SLC67A1: variants seen among roughly 807,000 people sequenced by gnomAD.
The protein encoded by SLC67A1 is solute carrier family 67 member 1, also known as solute carrier family 67 member A1.
chr11:2,917,478 T>C, the SLC67A1 span, among the ~76,000 whole-genome samples: 2 of 152,082 alleles, frequency 1.3e-5, no homozygotes, highest in Admixed American at 6.5e-5. Flanking sequence ...AAGGACTCGG[T>C]GAGCCGGGCT....
the SLC67A1 span, among the ~76,000 whole-genome samples, chr11:2,918,718 T>G: frequency 0.055 from 19 of 344 alleles, no homozygotes; most frequent in Non-Finnish European, 0.25. Context: ...TTGAGGGCCC[T>G]TTTTTTTTTG....
At chr11:2,914,540 C>T in the SLC67A1 span, 26 of 174,854 alleles carry the variant, frequency 1.5e-4, no homozygotes, top group South Asian at 4.7e-3. Flanking sequence ...CCACCCACGG[C>T]CCCTGGCACA....
chr11:2,903,413 C>T, the SLC67A1 span: 2 of 1,613,176 alleles, frequency 1.2e-6, no homozygotes, highest in South Asian at 1.1e-5. Context: ...CTAGGCCGGT[C>T]CTCGGTCATC....
At chr11:2,913,300 G>A in the SLC67A1 span, among the ~76,000 whole-genome samples, 11 of 152,296 alleles carry the variant, frequency 7.2e-5, no homozygotes, top group Admixed American at 2.0e-4. Flanking sequence ...AGCAGGCCCC[G>A]CTGAGATGGT....
the SLC67A1 span, among the ~76,000 whole-genome samples, chr11:2,914,246 T>A: frequency 1.3e-5 from 2 of 152,154 alleles, no homozygotes; most frequent in African/African-American, 4.8e-5. Context: ...GTGGCTCCAC[T>A]GATAAAAGTG....
chr11:2,900,768 C>T, the SLC67A1 span, among the ~76,000 whole-genome samples: 1 of 148,204 alleles, frequency 6.7e-6, no homozygotes, highest in Non-Finnish European at 1.5e-5. Flanking sequence ...AAAGTATGGA[C>T]ATCCATGCGG....
At chr11:2,918,122 C>T in the SLC67A1 span, 48 of 1,573,046 alleles carry the variant, frequency 3.1e-5, no homozygotes, top group African/African-American at 1.5e-4. Flanking sequence ...GCCCCAACAG[C>T]GGCCAGAGCC....
chr11:2,909,713 G>A, the SLC67A1 span: 3 of 1,511,866 alleles, frequency 2.0e-6, no homozygotes, highest in Non-Finnish European at 2.6e-6. Context: ...GCGTACGGGT[G>A]AGTGGTGGGG....
chr11:2,903,664 A>AC, the SLC67A1 span: 4,218 of 678,716 alleles, frequency 6.2e-3, 25 homozygotes, highest in South Asian at 9.5e-3. Flanking sequence ...CTGCCTCTGG[A>AC]CCCCCGTCAG....
the SLC67A1 span, chr11:2,916,854 C>G: frequency 1.2e-6 from 1 of 840,612 alleles, no homozygotes; most frequent in Non-Finnish European, 2.0e-6. Context: ...CTGGGGGCTA[C>G]TCACACCCTC....
At chr11:2,901,965 C>G in the SLC67A1 span, among the ~76,000 whole-genome samples, 1 of 152,238 alleles carries the variant, frequency 6.6e-6, no homozygotes, top group African/African-American at 2.4e-5. Context: ...CCTGCCCACA[C>G]TGCCCCTCCT....
At chr11:2,908,313 CG>C in the SLC67A1 span, 3 of 1,613,236 alleles carry the variant, frequency 1.9e-6, no homozygotes, top group South Asian at 1.1e-5. Context: ...AGCTGCTGGG[CG>C]GGCCGGTATT....
chr11:2,908,123 C>T, the SLC67A1 span: 2 of 706,856 alleles, frequency 2.8e-6, no homozygotes, highest in East Asian at 2.7e-5. Context: ...GTGCAGTCAA[C>T]AGAACCCAGG....
the SLC67A1 span, chr11:2,908,243 G>C: frequency 3.1e-6 from 5 of 1,613,712 alleles, no homozygotes; most frequent in Admixed American, 8.3e-5. Context: ...TACCTGTCTC[G>C]GAAACTGGGC....
the SLC67A1 span, chr11:2,902,559 T>G: frequency 2.0e-5 from 20 of 985,174 alleles, no homozygotes; most frequent in Non-Finnish European, 2.4e-5. Context: ...CTCCCCGCCC[T>G]ACCCCACCAG....
chr11:2,911,915 C>G, the SLC67A1 span, among the ~76,000 whole-genome samples: 20 of 152,246 alleles, frequency 1.3e-4, no homozygotes, highest in African/African-American at 4.6e-4. Context: ...TCTGCCCACA[C>G]CTGCCAGAAC....
the SLC67A1 span, among the ~76,000 whole-genome samples, chr11:2,923,716 G>A: frequency 1.3e-5 from 2 of 152,198 alleles, no homozygotes; most frequent in African/African-American, 4.8e-5. The surrounding 1 kb of genome is among the most constrained non-coding windows in gnomAD (Gnocchi z 6.5). Context: ...AAGGCCTGGG[G>A]AGATGAGGAC....
the SLC67A1 span, among the ~76,000 whole-genome samples, chr11:2,911,332 A>C: frequency 1.3e-4 from 20 of 152,220 alleles, 1 homozygote; most frequent in African/African-American, 4.1e-4. Flanking sequence ...TGTGGGAGCC[A>C]AGCACACTGC....
At chr11:2,909,092 C>A in the SLC67A1 span, 4 of 1,155,300 alleles carry the variant, frequency 3.5e-6, no homozygotes, top group South Asian at 3.4e-5. Flanking sequence ...ATCCCCATCC[C>A]GCACTCCAGC....
Sources: allele counts gnomAD v4.1 joint callset (sites outside exome capture counted in the v4.1 genomes callset), GRCh38; gene constraint gnomAD v4.1.1; non-coding constraint Gnocchi (gnomAD v3.1); transcripts MANE v1.5; gene names NCBI Gene and HGNC (gene_info 2026-07-23, HGNC 2026-07-21).